Variants in PCNA observed in about 807,000 individuals in gnomAD.
The protein encoded by PCNA is DNA sliding clamp PCNA.
In PCNA, 4 loss-of-function variants were observed where a neutral mutation model predicts 27.8. That is an observed-to-expected ratio of 0.14 (90% CI 0.07 to 0.33). The LOEUF (loss-of-function observed/expected upper bound fraction) is 0.33. Ranked by LOEUF, PCNA falls within the 10% of genes least tolerant of loss-of-function variation. The pLI is 1.00. For synonymous variants in PCNA, 121 were observed against 119.4 expected (o/e 1.01, Z -0.09); for missense variants, 165 against 327.4 (o/e 0.50, Z 3.83).
chr20:5,114,954 G>T lies in PCNA; in HGVS notation c.*329C>A, dbSNP rs1426374679. ...GGTCAAAATGAAGACACTGCCCTGT[G>T]ATGTTTGAAATTCAAGTAACTTTAT... is the stretch of plus-strand genomic sequence containing the variant. On this transcript the variant is annotated 3_prime_UTR_variant, in exon 6 of 6. Coordinates refer to ENST00000379143, the MANE Select transcript of PCNA (RefSeq NM_182649.2). 1.7e-5 allele frequency: 4 copies of T among 233,536 alleles called. No individual in the cohort carries two copies. In the East Asian group the frequency reaches 4.9e-4, roughly 28 times the overall value. The allele number at this position is 233,536 out of a possible 1,614,324, so 14.5% of individuals were successfully genotyped here. A position where few individuals can be genotyped will look rare whatever the true frequency, so the allele number is the denominator to read the frequency against.
upstream of PCNA, among the ~76,000 whole-genome samples, chr20:5,120,478 C>T (rs771394604): frequency 6.6e-6 from 1 of 152,196 alleles, no homozygotes. Flanking sequence ...CATTCCCCCG[C>T]CAGCTCTTAT....
intron 1 of PCNA, 31 bp from the exon 2 acceptor site, chr20:5,118,897 C>T: frequency 6.8e-7 from 1 of 1,467,590 alleles, no homozygotes; most frequent in South Asian, 1.1e-5. Context: ...GCTTTAAAAT[C>T]AACGCCGTCT....
At chr20:5,121,386 C>CTTTTTT (rs10712798), upstream of PCNA, 2 of 97,216 alleles carry the variant, frequency 2.1e-5, no homozygotes, top group African/African-American at 8.4e-5. Context: ...CCTTTCTTTC[C>CTTTTTT]TTTTTTTTTT....
rs144196777 is a variant in PCNA at position 5,119,646 on chromosome 20, G to C, written c.153C>G (p.Thr51=). ...DSSHVSLVQL[T]LRSEGFDTYR... ...AGGTGTCGAAGCCCTCAGACCGCAGGGTGAGCTGCACCAAAGAGACGTGGG... is the reference window on the plus strand; with the variant it reads ...AGGTGTCGAAGCCCTCAGACCGCAGCGTGAGCTGCACCAAAGAGACGTGGG... The change falls in exon 1 of 6, where the codon ACC becomes ACG. Residue 51 remains threonine (T), a synonymous_variant. Transcript: ENST00000379143. The C allele has an allele frequency of 4.1e-5, 66 of 1,613,736 alleles. No homozygotes were observed. In the African/African-American group the frequency reaches 7.2e-4, roughly 18 times the overall value.
chr20:5,119,401 C>T (rs1442364943), intron 1 of PCNA, among the ~76,000 whole-genome samples, 177 bp downstream of exon 1: 3 of 152,280 alleles, frequency 2.0e-5, no homozygotes, highest in Non-Finnish European at 4.4e-5. Context: ...GCGCAGCAGC[C>T]AGCGCGGGCT....
chr20:5,121,997 T>C (rs77553377), upstream of PCNA, among the ~76,000 whole-genome samples: 4 of 151,362 alleles, frequency 2.6e-5, no homozygotes, highest in South Asian at 6.3e-4. Context: ...TTTTTTTTTT[T>C]CTGAGACAGA....
rs1210648773 is a variant in PCNA at position 5,125,544 on chromosome 20, A to G, written c.-117+956T>C. ...TATTTTTTTAAAAAACGAAATTGCA[A>G]TTCTTTTGTGTGCAAGTGTCTCATT... On this transcript the variant is annotated intron_variant, in intron 1 of 6. Transcript: ENST00000379160. Among the ~76,000 whole-genome samples, 7 of 152,118 alleles carry G rather than the reference A, an allele frequency of 4.6e-5. No homozygotes were observed. In the East Asian group the frequency reaches 1.2e-3, roughly 25 times the overall value.
chr20:5,125,315 G>T (rs1043844285), intron 1 of PCNA, among the ~76,000 whole-genome samples: 2 of 151,788 alleles, frequency 1.3e-5, no homozygotes, highest in Non-Finnish European at 2.9e-5. Flanking sequence ...CACAGCTCAG[G>T]TCAAAATTAC....
intron 4 of PCNA, among the ~76,000 whole-genome samples, chr20:5,116,259 G>A (rs770831289): frequency 6.6e-6 from 1 of 152,160 alleles, no homozygotes; most frequent in Non-Finnish European, 1.5e-5. Context: ...AAGCCCTGGA[G>A]TTTGAGGCTG....
chr20:5,119,964 C>G (rs542090977), upstream of PCNA: 7 of 618,236 alleles, frequency 1.1e-5, no homozygotes, highest in Admixed American at 2.0e-4. Context: ...TTAATGCCGC[C>G]GCGTCCGCAA....
intron 4 of PCNA, 52 bp downstream of exon 4, chr20:5,117,418 C>A: frequency 8.4e-7 from 1 of 1,193,120 alleles, no homozygotes; most frequent in Non-Finnish European, 1.2e-6. Context: ...ACCTAATAAG[C>A]AGTATTATAA....
chr20:5,115,267 T>C lies in PCNA; in HGVS notation c.*16A>G. ...CTCAAAGAGCTTAGTTTTATTTTCT[T>C]GAATTTTAAGAATGCCTAAGATCCT... On this transcript the variant is annotated 3_prime_UTR_variant, in exon 6 of 6. Transcript: ENST00000379143. 1 of 1,603,588 alleles carries C rather than the reference T, an allele frequency of 6.2e-7. No homozygotes were observed. Among genetic ancestry groups the C allele is most frequent in the Non-Finnish European group, 8.5e-7 (1 of 1,171,146 alleles).
At chr20:5,117,707 T>C (rs2090485103) in intron 3 of PCNA, 43 bp from the exon 4 acceptor site, 1 of 1,305,080 alleles carries the variant, frequency 7.7e-7, no homozygotes, top group Non-Finnish European at 1.1e-6. Context: ...TGTTAGAAAT[T>C]TAATGATTTG....
In PCNA at chr20:5,115,431, T is replaced by A; in HGVS notation, c.706+18A>T. Reference sequence around the variant, plus strand: ...CATATGACTACCTACAAAACAAGGTTCAAATTTATTATCTTACCAAGGGGT... The same window carrying A: ...CATATGACTACCTACAAAACAAGGTACAAATTTATTATCTTACCAAGGGGT... On this transcript the variant is annotated intron_variant, in intron 5 of 5. Transcript: ENST00000379143. The A allele has an allele frequency of 1.2e-6, 2 of 1,614,012 alleles. No individual in the cohort carries two copies. Among genetic ancestry groups the A allele is most frequent in the East Asian group, 2.2e-5 (1 of 44,860 alleles).
upstream of PCNA, chr20:5,120,124 G>C (rs2090508560): frequency 3.1e-6 from 1 of 326,924 alleles, no homozygotes; most frequent in Admixed American, 4.5e-5. Context: ...CGCAGGGCGG[G>C]GCAGCGTCGC....
At chr20:5,117,230 G>A (rs890375385) in intron 4 of PCNA, among the ~76,000 whole-genome samples, 5 of 152,142 alleles carry the variant, frequency 3.3e-5, no homozygotes, top group Non-Finnish European at 7.3e-5. Context: ...AGCCGGTGTG[G>A]ACTTGATCCA....
Position 5,119,645 on chromosome 20 carries a change from G to A in PCNA, c.154C>T (p.Leu52=). The A allele has an allele frequency of 1.2e-6, 2 of 1,613,762 alleles. No individual in the cohort carries two copies. The highest frequency in any genetic ancestry group is 1.7e-6 in the Non-Finnish European group (2 of 1,179,910). Residue 52 remains leucine, a synonymous_variant, in exon 1 of 6, where the codon CTG becomes TTG. Transcript: ENST00000379143. ...TAGGTGTCGAAGCCCTCAGACCGCA[G>A]GGTGAGCTGCACCAAAGAGACGTGG... ...SSHVSLVQLT[L]RSEGFDTYRC...
At chr20:5,120,993 A>AT (rs1000738869), upstream of PCNA, among the ~76,000 whole-genome samples, 9 of 150,306 alleles carry the variant, frequency 6.0e-5, no homozygotes, top group African/African-American at 1.2e-4. Flanking sequence ...TATTATTATT[A>AT]TTTTTTTTTA....
rs763207665 is a variant in PCNA at position 5,115,277 on chromosome 20, G to C, written c.*6C>G. On this transcript the variant is annotated 3_prime_UTR_variant, in exon 6 of 6. Transcript: ENST00000379143. ...TTAGTTTTATTTTCTTGAATTTTAA[G>C]AATGCCTAAGATCCTTCTTCATCCT... 21 of 1,607,882 alleles carry C rather than the reference G, an allele frequency of 1.3e-5. No homozygotes were observed. Among genetic ancestry groups the C allele is most frequent in the Non-Finnish European group, 1.6e-5 (19 of 1,174,846 alleles).
Sources: allele counts gnomAD v4.1 joint callset (sites outside exome capture counted in the v4.1 genomes callset), GRCh38; gene constraint gnomAD v4.1.1; transcripts MANE v1.5; gene names NCBI Gene and HGNC (gene_info 2026-07-23, HGNC 2026-07-21).